CCDC154: variants seen among roughly 807,000 people sequenced by gnomAD.
CCDC154 encodes coiled-coil domain containing 154, also known as coiled-coil domain-containing protein 154.
In CCDC154, 91 loss-of-function variants were observed where a neutral mutation model predicts 87.5. The ratio of observed to expected loss-of-function variants is 1.04; its 90% CI spans 0.88 to 1.24. The LOEUF (loss-of-function observed/expected upper bound fraction) is 1.24, where lower values mean the gene tolerates loss of function less well. Ranked by LOEUF, CCDC154 falls within the 50% of genes most tolerant of loss-of-function variation. CCDC154 has a pLI of 0.00. For synonymous variants in CCDC154, 418 were observed against 400.4 expected, an observed-to-expected ratio of 1.04 and a Z score of -0.52; for missense variants, 903 against 879.2, an observed-to-expected ratio of 1.03 and a Z score of -0.34.
intron 1 of CCDC154, 94 bp from the exon 2 acceptor site, chr16:1,444,106 C>T: frequency 9.1e-7 from 1 of 1,094,672 alleles, no homozygotes; most frequent in Non-Finnish European, 1.2e-6. Context: ...GGACCCTCGC[C>T]CACCACCCAG....
intron 11 of CCDC154, 147 bp from the exon 12 acceptor site, chr16:1,436,958 G>A: frequency 1.7e-6 from 2 of 1,178,120 alleles, no homozygotes; most frequent in South Asian, 1.5e-5. Flanking sequence ...GCAGGCGGCT[G>A]GGATGGCCTG....
At position 1,439,094 on chromosome 16, in the gene CCDC154, G is replaced by A. The variant is rs751668688; in HGVS notation, c.708C>T (p.Ser236=). 13 of 1,550,216 alleles carry A rather than the reference G, an allele frequency of 8.4e-6. No individual in the cohort carries two copies. The highest frequency in any genetic ancestry group is 8.7e-7 in the Non-Finnish European group (1 of 1,146,890). The change falls in exon 7 of 17, where the codon AGC becomes AGT. Residue 236 remains serine, a synonymous_variant. Transcript: ENST00000389176. ...TGGCCTCCCTCTTCAGGAAGCGCAG[G>A]CTCACCTCTTCGCCGAGCTTGGTCA... ...AQVTKLGEEV[S]LRFLKREAKL...
chr16:1,442,554 C>T (rs962802383), intron 5 of CCDC154, 25 bp from the exon 6 acceptor site: 7 of 1,510,674 alleles, frequency 4.6e-6, no homozygotes, highest in East Asian at 2.5e-5. Flanking sequence ...TGTGGTCACA[C>T]CAGCCCAGCT....
In CCDC154 at chr16:1,434,898, G is replaced by A. The variant is rs538932032; in HGVS notation, c.1693-46C>T. On this transcript the variant is annotated intron_variant, in intron 15 of 16. Coordinates refer to ENST00000389176, the MANE Select transcript of CCDC154 (RefSeq NM_001143980.3). Reference sequence around the variant, plus strand: ...TGTCACCCAGGAGCCAGACCTCCGGGCAGGGGATGGCAAACGGGGGCTTAT... The same window carrying A: ...TGTCACCCAGGAGCCAGACCTCCGGACAGGGGATGGCAAACGGGGGCTTAT... 2.2e-4 allele frequency: 315 copies of A among 1,461,548 alleles called. No individual in the cohort carries two copies. In the African/African-American group the frequency reaches 4.0e-3, roughly 19 times the overall value. 90.5% of individuals were successfully genotyped at this position (1,461,548 alleles called of 1,614,324 possible).
chr16:1,443,343 G>C (rs964962547), intron 3 of CCDC154, 42 bp from the exon 4 acceptor site: 1 of 1,534,452 alleles, frequency 6.5e-7, no homozygotes, highest in Non-Finnish European at 8.8e-7. Flanking sequence ...ACCTAGGCCC[G>C]GGTCTGGCAC....
intron 11 of CCDC154, 67 bp from the exon 12 acceptor site, chr16:1,436,878 C>T: frequency 1.3e-6 from 2 of 1,537,276 alleles, no homozygotes; most frequent in South Asian, 1.2e-5. Flanking sequence ...GAAAGACGGA[C>T]ACGGGGAGCT....
At chr16:1,438,361 C>T in intron 9 of CCDC154, 185 bp from the exon 10 acceptor site, 2 of 815,524 alleles carry the variant, frequency 2.5e-6, no homozygotes, top group South Asian at 1.9e-5. Context: ...TGGGCGTTCA[C>T]TCCCCACGGC....
intron 3 of CCDC154, 76 bp downstream of exon 3, chr16:1,443,430 G>A: frequency 7.0e-7 from 1 of 1,431,478 alleles, no homozygotes; most frequent in South Asian, 1.5e-5. Context: ...GGTGAGCTGG[G>A]CTCCAGGCCC....
chr16:1,444,180 C>A, intron 1 of CCDC154, 136 bp downstream of exon 1: 1 of 1,073,368 alleles, frequency 9.3e-7, no homozygotes, highest in Non-Finnish European at 1.2e-6. Flanking sequence ...AAGTCCAGGG[C>A]CCTGCCTGAA....
chr16:1,441,432 C>G (rs2038551050), intron 6 of CCDC154, among the ~76,000 whole-genome samples: 1 of 152,228 alleles, frequency 6.6e-6, no homozygotes. Flanking sequence ...TCCCCGGTCT[C>G]TATTTGTGGA....
rs750513094 is a variant in CCDC154 at position 1,436,003 on chromosome 16, C to T, written c.1571G>A (p.Arg524Gln). Residue 524 changes from arginine to glutamine, a missense_variant, in exon 14 of 17, where the codon CGG (arginine) becomes CAG (glutamine). Physicochemically the swap from Arg to Gln is conservative, Grantham distance 43. Coordinates refer to ENST00000389176, the MANE Select transcript of CCDC154 (RefSeq NM_001143980.3). ...CTTGCCCTGCATCTCCGCGATCTTC[C>T]GCCCAGGGTTGTCTTCCTTTAGCAG... The part of the protein sequence containing the change: ...VQLLKEDNPG[R>Q]KIAEMQGKLA... The T allele has an allele frequency of 1.0e-5, 16 of 1,550,060 alleles. No homozygotes were observed. The East Asian group carries it at 2.0e-4, about 19-fold the overall frequency.
At chr16:1,436,645 C>T (rs1037841343) in intron 12 of CCDC154, 47 bp downstream of exon 12, 2 of 1,547,524 alleles carry the variant, frequency 1.3e-6, no homozygotes, top group African/African-American at 2.7e-5. Flanking sequence ...GGTCCCACGC[C>T]ACCTCCAAGG....
chr16:1,442,851 G>A (rs1048264087), intron 5 of CCDC154, 29 bp downstream of exon 5: 161 of 1,541,178 alleles, frequency 1.0e-4, no homozygotes, highest in Admixed American at 2.2e-4. Context: ...CGCAAGCTCC[G>A]GAGCCAGCCA....
chr16:1,439,319 A>G, intron 6 of CCDC154, 193 bp from the exon 7 acceptor site: 1 of 598,334 alleles, frequency 1.7e-6, no homozygotes, highest in Non-Finnish European at 3.0e-6. Context: ...CCAGACGACC[A>G]ACCAGGCATG....
chr16:1,437,216 G>A (rs975589629), intron 11 of CCDC154: 16 of 218,806 alleles, frequency 7.3e-5, no homozygotes, highest in African/African-American at 2.8e-4. Context: ...CTCTGCGCAC[G>A]AGGCCCCGAG....
At chr16:1,439,557 G>A (rs966715445) in intron 6 of CCDC154, among the ~76,000 whole-genome samples, 3 of 151,372 alleles carry the variant, frequency 2.0e-5, no homozygotes, top group Admixed American at 6.6e-5. Flanking sequence ...GGGGAGGGGA[G>A]GGGGGAGGCG....
chr16:1,438,728 G>A lies in CCDC154; in HGVS notation c.916C>T (p.Leu306Phe). The A allele has an allele frequency of 6.5e-7, 1 of 1,549,640 alleles. No homozygotes were observed. The highest frequency in any genetic ancestry group is 8.7e-7 in the Non-Finnish European group (1 of 1,146,576). ...ALQGQHEESH[L>F]LEQCQGLDAA... Reference sequence around the variant, plus strand: ...TCCAGGCCCTGGCACTGCTCCAGGAGGTGGCTCTCCTGCCAGGGGGTGGAG... The same window carrying A: ...TCCAGGCCCTGGCACTGCTCCAGGAAGTGGCTCTCCTGCCAGGGGGTGGAG... Residue 306 changes from leucine to phenylalanine, a missense_variant, in exon 9 of 17, where the codon CTC becomes TTC. Physicochemically the swap from Leu to Phe is conservative, Grantham distance 22. Coordinates refer to ENST00000389176, the MANE Select transcript of CCDC154 (RefSeq NM_001143980.3).
chr16:1,439,335 G>C, intron 6 of CCDC154: 1 of 589,722 alleles, frequency 1.7e-6, no homozygotes, highest in Admixed American at 3.0e-5. Flanking sequence ...GCATGGGTTT[G>C]TGAAGCATGA....
At chr16:1,443,228 C>A (rs11641352) in intron 4 of CCDC154, 33 bp downstream of exon 4, 2 of 1,546,686 alleles carry the variant, frequency 1.3e-6, no homozygotes, top group Non-Finnish European at 1.7e-6. Context: ...CCTCCCCGCC[C>A]TGGGCCTGTG....
Sources: allele counts gnomAD v4.1 joint callset (sites outside exome capture counted in the v4.1 genomes callset), GRCh38; gene constraint gnomAD v4.1.1; transcripts MANE v1.5; gene names NCBI Gene and HGNC (gene_info 2026-07-23, HGNC 2026-07-21).